Variants in PRKG1 observed in about 807,000 individuals in gnomAD.
PRKG1 encodes the protein cGMP-dependent protein kinase 1.
In PRKG1, 35 loss-of-function variants were observed where a neutral mutation model predicts 88.1. The ratio of observed to expected loss-of-function variants is 0.40; its 90% confidence interval spans 0.30 to 0.53. The LOEUF is 0.53. PRKG1 is among the 20% of genes least tolerant of loss of function. The probability of loss-of-function intolerance (pLI) is 0.59; values close to 1 mark genes in which losing one functional copy is unlikely to be tolerated. For missense variants in PRKG1, 540 were observed against 839.8 expected (o/e 0.64, Z 4.41); for synonymous variants, 303 against 292.5 (o/e 1.04, Z -0.37).
chr10:51,507,756 A>G (rs945546821), intron 3 of PRKG1, among the ~76,000 whole-genome samples: 2 of 152,116 alleles, frequency 1.3e-5, no homozygotes, highest in Non-Finnish European at 2.9e-5. Context: ...ACTGATGTCG[A>G]TGGAGCACTT....
intron 3 of PRKG1, among the ~76,000 whole-genome samples, chr10:51,710,297 G>T (rs979007567): frequency 6.6e-6 from 1 of 152,180 alleles, no homozygotes; most frequent in East Asian, 1.9e-4. Context: ...TTCCTGAGAG[G>T]TATATAGAAA....
intron 14 of PRKG1, among the ~76,000 whole-genome samples, chr10:52,288,363 C>T (rs796784187): frequency 4.6e-5 from 7 of 151,976 alleles, no homozygotes; most frequent in East Asian, 3.9e-4. Context: ...GGTGTTCCTG[C>T]GGCCCCTCCT....
At chr10:51,114,858 G>A (rs1181872332) in intron 1 of PRKG1, among the ~76,000 whole-genome samples, 1 of 152,226 alleles carries the variant, frequency 6.6e-6, no homozygotes, top group African/African-American at 2.4e-5. Context: ...TGCATTTTAA[G>A]TATTTATCAA....
chr10:51,459,712 A>T (rs1839693568), intron 2 of PRKG1, among the ~76,000 whole-genome samples: 1 of 152,170 alleles, frequency 6.6e-6, no homozygotes, highest in South Asian at 2.1e-4. Context: ...CAGGATCTGA[A>T]ATTCTCAAGT....
chr10:51,592,066 C>G (rs748239336), intron 3 of PRKG1, among the ~76,000 whole-genome samples: 12 of 152,156 alleles, frequency 7.9e-5, no homozygotes, highest in Non-Finnish European at 1.5e-4. Flanking sequence ...GAAGGACACT[C>G]TGCAAAGAAG....
intron 1 of PRKG1, among the ~76,000 whole-genome samples, chr10:51,056,987 C>A (rs1439830455): frequency 2.0e-5 from 3 of 152,194 alleles, no homozygotes; most frequent in Non-Finnish European, 4.4e-5. Flanking sequence ...CATATTTCTA[C>A]TAAAATCTTC....
Position 50,991,291 on chromosome 10 carries a change from CGCTGCCG to C in PRKG1, c.-80_-74del, listed in dbSNP as rs1842777907. The C allele has an allele frequency of 2.1e-6, 3 of 1,456,546 alleles. No homozygotes were observed. Among genetic ancestry groups the C allele is most frequent in the Non-Finnish European group, 2.7e-6 (3 of 1,107,562 alleles). The allele number at this position is 1,456,546 out of a possible 1,614,324, so 90.2% of individuals were successfully genotyped here. ...CATTCACTCGCTCACCCGCGCTCTCCGCTGCCGGCTGCCGTCCCAGCCGCCGCCGCCG... is the reference window on the plus strand; with the variant it reads ...CATTCACTCGCTCACCCGCGCTCTCCGCTGCCGTCCCAGCCGCCGCCGCCG... On this transcript the variant is annotated 5_prime_UTR_variant, in exon 1 of 18. Transcript: ENST00000401604. The surrounding 1 kb of genome is among the most constrained non-coding windows in gnomAD (Gnocchi z 4.5).
chr10:52,117,343 A>G (rs1466507893), intron 7 of PRKG1, among the ~76,000 whole-genome samples: 1 of 152,062 alleles, frequency 6.6e-6, no homozygotes, highest in Non-Finnish European at 1.5e-5. Context: ...ACTGGGGCAA[A>G]AGGCAATGCT....
intron 3 of PRKG1, among the ~76,000 whole-genome samples, chr10:51,784,480 G>T (rs1348779645): frequency 2.6e-5 from 4 of 152,038 alleles, no homozygotes; most frequent in Admixed American, 6.6e-5. Flanking sequence ...ACTTCTACCT[G>T]CCAGAAAGGA....
chr10:51,090,999 T>G (rs1844385340), intron 1 of PRKG1, among the ~76,000 whole-genome samples: 1 of 152,190 alleles, frequency 6.6e-6, no homozygotes, highest in Non-Finnish European at 1.5e-5. Context: ...TTAATGACCT[T>G]GATACTGTAT....
intron 1 of PRKG1, among the ~76,000 whole-genome samples, chr10:51,028,373 T>C (rs1351869998): frequency 6.6e-6 from 1 of 152,156 alleles, no homozygotes; most frequent in Non-Finnish European, 1.5e-5. Context: ...TCCAGGGCCA[T>C]AGTGAAGTTG....
intron 2 of PRKG1, among the ~76,000 whole-genome samples, chr10:51,172,696 C>T (rs1167202083): frequency 6.7e-6 from 1 of 148,334 alleles, no homozygotes; most frequent in African/African-American, 2.5e-5. Flanking sequence ...ATCTATCTAT[C>T]TGTGTATATT....
At chr10:51,827,326 AGAT>A (rs925606239) in intron 4 of PRKG1, among the ~76,000 whole-genome samples, 111 of 152,242 alleles carry the variant, frequency 7.3e-4, no homozygotes, top group African/African-American at 2.5e-3. Flanking sequence ...TTATTCATGA[AGAT>A]AATTAAACTG....
chr10:51,214,917 A>G (rs922001838), intron 2 of PRKG1, among the ~76,000 whole-genome samples: 42 of 152,168 alleles, frequency 2.8e-4, no homozygotes, highest in African/African-American at 8.7e-4. Context: ...CTCTTGACAC[A>G]TGTTTGCAAA....
chr10:51,457,936 C>G (rs1460413939), intron 2 of PRKG1, among the ~76,000 whole-genome samples: 1 of 152,116 alleles, frequency 6.6e-6, no homozygotes, highest in African/African-American at 2.4e-5. Flanking sequence ...CCTCTCACCC[C>G]CAACCTGCCC....
intron 3 of PRKG1, among the ~76,000 whole-genome samples, chr10:51,789,078 G>A (rs2132579031): frequency 6.6e-6 from 1 of 152,270 alleles, no homozygotes; most frequent in East Asian, 1.9e-4. Context: ...TTTTAAAGAT[G>A]TTTGCTTGAA....
At chr10:51,653,417 T>C (rs1229927780) in intron 3 of PRKG1, among the ~76,000 whole-genome samples, 1 of 152,284 alleles carries the variant, frequency 6.6e-6, no homozygotes, top group Non-Finnish European at 1.5e-5. Context: ...AGGTGGGAGG[T>C]AATATCACAT....
chr10:51,969,696 G>A (rs543222997), intron 5 of PRKG1, among the ~76,000 whole-genome samples: 1 of 151,966 alleles, frequency 6.6e-6, no homozygotes, highest in East Asian at 1.9e-4. Context: ...AATGAGAAAG[G>A]CAAATCAAAA....
In PRKG1 at chr10:51,827,176, CTAAA is replaced by C. The variant is rs1443115095; in HGVS notation, c.698+22489_698+22492del. Among the ~76,000 whole-genome samples the C allele has an allele frequency of 2.0e-5, 3 of 152,078 alleles. No individual in the cohort carries two copies. The East Asian group carries it at 5.8e-4, about 29-fold the overall frequency. Reference sequence around the variant, plus strand: ...TTATCTCAGTATTCGGATGATTGCCCTAAATATTCAATTTCTTGATTGCATACAG... The same window carrying C: ...TTATCTCAGTATTCGGATGATTGCCCTATTCAATTTCTTGATTGCATACAG... On this transcript the variant is annotated intron_variant, in intron 4 of 17. Coordinates refer to ENST00000373980, the MANE Select transcript of PRKG1 (RefSeq NM_006258.4).
Sources: gnomAD v4.1 joint callset for allele counts (sites outside exome capture counted in the v4.1 genomes callset) on GRCh38, gnomAD v4.1.1 for gene constraint, Gnocchi (gnomAD v3.1) non-coding constraint, MANE v1.5 for transcripts, NCBI Gene and HGNC (gene_info 2026-07-23, HGNC 2026-07-21) for gene names.